GRHL2: variants seen among roughly 807,000 people sequenced by gnomAD.
GRHL2 encodes the protein grainyhead like transcription factor 2.
A neutral mutation model predicts 83.8 loss-of-function variants in GRHL2; 21 were observed. That is an observed-to-expected ratio of 0.25 (90% CI 0.18 to 0.36). The LOEUF is 0.36. GRHL2 is among the 10% of genes least tolerant of loss of function. The probability of loss-of-function intolerance (pLI) is 1.00; values close to 1 mark genes in which losing one functional copy is unlikely to be tolerated. For missense variants in GRHL2, 623 were observed against 781.8 expected, an observed-to-expected ratio of 0.80 and a Z score of 2.42; for synonymous variants, 280 against 278.9, an observed-to-expected ratio of 1.00 and a Z score of -0.04.
intron 1 of GRHL2, among the ~76,000 whole-genome samples, chr8:101,539,504 C>G (rs951281827): frequency 6.6e-6 from 1 of 152,288 alleles, no homozygotes; most frequent in South Asian, 2.1e-4. Context: ...GGCCCACCAC[C>G]TCTGCTACCT....
At chr8:101,647,823 G>T (rs186369188) in intron 13 of GRHL2, among the ~76,000 whole-genome samples, 92 of 151,644 alleles carry the variant, frequency 6.1e-4, no homozygotes, top group African/African-American at 2.1e-3. Context: ...ACATGCACCC[G>T]TGTAGACTTG....
chr8:101,576,038 C>T (rs1161213147), intron 6 of GRHL2, among the ~76,000 whole-genome samples: 8 of 152,228 alleles, frequency 5.3e-5, no homozygotes, highest in Non-Finnish European at 1.5e-5. Flanking sequence ...TGACAGCCAG[C>T]CACCGGCATG....
At chr8:101,657,667 C>T (rs536936828) in intron 14 of GRHL2, among the ~76,000 whole-genome samples, 9 of 151,846 alleles carry the variant, frequency 5.9e-5, no homozygotes, top group East Asian at 3.9e-4. Context: ...GGTGAAACCC[C>T]GTCTCTACTA....
intron 8 of GRHL2, among the ~76,000 whole-genome samples, chr8:101,605,264 C>T (rs1276236562): frequency 6.6e-6 from 1 of 152,120 alleles, no homozygotes; most frequent in Non-Finnish European, 1.5e-5. Flanking sequence ...TCTTCTTGGG[C>T]CTTTTAGATT....
chr8:101,677,212 C>T, the GRHL2 span, among the ~76,000 whole-genome samples: 40,975 of 150,374 alleles, frequency 0.27, 6,127 homozygotes, highest in African/African-American at 0.38. Context: ...TAAATAATAA[C>T]AATAATAATA....
At chr8:101,519,830 T>TA (rs1810647670) in intron 1 of GRHL2, among the ~76,000 whole-genome samples, 1 of 152,174 alleles carries the variant, frequency 6.6e-6, no homozygotes, top group African/African-American at 2.4e-5. Context: ...TCACTGCTAA[T>TA]AATCAATTTA....
chr8:101,636,699 A>G (rs1443913424), intron 11 of GRHL2, 198 bp from the exon 12 acceptor site: 7 of 594,816 alleles, frequency 1.2e-5, no homozygotes, highest in Non-Finnish European at 2.1e-5. Context: ...ATTATAAGGA[A>G]CTTAAATATG....
chr8:101,608,491 A>G (rs999831009), intron 8 of GRHL2, among the ~76,000 whole-genome samples: 2 of 152,218 alleles, frequency 1.3e-5, no homozygotes, highest in Non-Finnish European at 2.9e-5. Flanking sequence ...CTAGGCTAGC[A>G]ACTGAGACAC....
chr8:101,534,651 A>G (rs1563568521), intron 1 of GRHL2, among the ~76,000 whole-genome samples: 1 of 152,104 alleles, frequency 6.6e-6, no homozygotes, highest in Non-Finnish European at 1.5e-5. Flanking sequence ...ATCCAAGTGC[A>G]AGATGATGGT....
At chr8:101,509,001 A>G (rs1323511273) in intron 1 of GRHL2, among the ~76,000 whole-genome samples, 1 of 151,922 alleles carries the variant, frequency 6.6e-6, no homozygotes, top group Non-Finnish European at 1.5e-5. Context: ...CAAATTTTGT[A>G]CTTTTATTTC....
At chr8:101,559,217 A>C (rs1586094235) in intron 4 of GRHL2, among the ~76,000 whole-genome samples, 2 of 152,138 alleles carry the variant, frequency 1.3e-5, no homozygotes, top group East Asian at 3.9e-4. Flanking sequence ...TTTTTAAAAA[A>C]CAATATAACT....
intron 12 of GRHL2, among the ~76,000 whole-genome samples, chr8:101,639,823 C>G (rs560639937): frequency 6.6e-6 from 1 of 152,396 alleles, no homozygotes; most frequent in African/African-American, 2.4e-5. Flanking sequence ...CAGCTTCCAT[C>G]AGGACTGCTC....
At chr8:101,564,687 C>T (rs969682149) in intron 4 of GRHL2, among the ~76,000 whole-genome samples, 5 of 151,666 alleles carry the variant, frequency 3.3e-5, no homozygotes, top group South Asian at 2.1e-4. Flanking sequence ...TGGCATGCAC[C>T]TGTAGTCCGA....
chr8:101,673,344 G>A (rs906233850), downstream of GRHL2, among the ~76,000 whole-genome samples: 29 of 152,070 alleles, frequency 1.9e-4, no homozygotes, highest in Middle Eastern at 3.4e-3. Context: ...TCAAAATAAA[G>A]GGATGGAGGA....
At chr8:101,517,000 C>A (rs1810586669) in intron 1 of GRHL2, among the ~76,000 whole-genome samples, 1 of 152,182 alleles carries the variant, frequency 6.6e-6, no homozygotes, top group Non-Finnish European at 1.5e-5. Context: ...TGCAGGACAG[C>A]ATCATCCTGT....
intron 5 of GRHL2, among the ~76,000 whole-genome samples, chr8:101,570,895 AC>A (rs1363088309): frequency 6.6e-6 from 1 of 152,074 alleles, no homozygotes; most frequent in Non-Finnish European, 1.5e-5. Flanking sequence ...TTTCCAAGTT[AC>A]CCTTGTCAAC....
At chr8:101,550,172 G>T (rs1811348884) in intron 2 of GRHL2, among the ~76,000 whole-genome samples, 2 of 78,014 alleles carry the variant, frequency 2.6e-5, no homozygotes, top group Admixed American at 1.2e-4. Context: ...GGATACATAT[G>T]CAGGTCTTTT....
chr8:101,576,562 A>T (rs1811937951), intron 6 of GRHL2, among the ~76,000 whole-genome samples: 1 of 152,206 alleles, frequency 6.6e-6, no homozygotes, highest in African/African-American at 2.4e-5. Context: ...AATATTTTTC[A>T]GGAATAGTAG....
At chr8:101,595,260 T>G (rs570903488) in intron 7 of GRHL2, among the ~76,000 whole-genome samples, 1 of 152,250 alleles carries the variant, frequency 6.6e-6, no homozygotes, top group African/African-American at 2.4e-5. Flanking sequence ...TGTATCTATA[T>G]TGCATTTGTT....
Sources: allele counts gnomAD v4.1 joint callset (sites outside exome capture counted in the v4.1 genomes callset), GRCh38; gene constraint gnomAD v4.1.1; transcripts MANE v1.5; gene names NCBI Gene and HGNC (gene_info 2026-07-23, HGNC 2026-07-21).